MTMR9: variants seen among roughly 807,000 people sequenced by gnomAD.
MTMR9 encodes myotubularin-related protein 9.
In MTMR9, 39 loss-of-function variants were observed where a neutral mutation model predicts 69.5. That is an observed-to-expected ratio of 0.56 (90% CI 0.43 to 0.73). The LOEUF is 0.73. Among genes scored for constraint, MTMR9 ranks in the 30% least tolerant of loss-of-function variants. The pLI is 0.00. For synonymous variants in MTMR9, 354 were observed against 240.8 expected (o/e 1.47, Z -4.35); for missense variants, 900 against 671.2 (o/e 1.34, Z -3.77).
chr8:11,286,626 A>C (rs1451296168), intron 1 of MTMR9, among the ~76,000 whole-genome samples: 4 of 139,616 alleles, frequency 2.9e-5, no homozygotes, highest in African/African-American at 1.1e-4. Context: ...AGATCGGGCC[A>C]CTGCACTCCT....
chr8:11,328,150 G>T (rs1454681287), downstream of MTMR9: 1 of 123,854 alleles, frequency 8.1e-6, no homozygotes, highest in Non-Finnish European at 1.7e-5. Context: ...AATTAAATCT[G>T]TGGGCTTATT....
downstream of MTMR9, among the ~76,000 whole-genome samples, chr8:11,330,646 C>T (rs1047788664): frequency 7.2e-5 from 11 of 152,152 alleles, no homozygotes; most frequent in African/African-American, 2.7e-4. Flanking sequence ...GGGGCATGTG[C>T]TGTGTCCACT....
downstream of MTMR9, chr8:11,331,883 G>C (rs1341896418): frequency 6.2e-7 from 1 of 1,611,938 alleles, no homozygotes; most frequent in Non-Finnish European, 8.5e-7. Context: ...TGGGGGCAGA[G>C]GGGATCCTCG....
chr8:11,286,375 C>G (rs955489600), intron 1 of MTMR9, among the ~76,000 whole-genome samples: 9 of 151,734 alleles, frequency 5.9e-5, no homozygotes, highest in South Asian at 2.1e-4. Context: ...TGTATAAAGT[C>G]TTCAGTGGGC....
At position 11,314,886 on chromosome 8, in the gene MTMR9, A is replaced by T. The variant is rs767655482; in HGVS notation, c.972-37A>T. 2.5e-6 allele frequency: 4 copies of T among 1,604,194 alleles called. No homozygotes were observed. The African/African-American group carries it at 4.0e-5, about 16-fold the overall frequency. On this transcript the variant is annotated intron_variant, in intron 6 of 9. Coordinates refer to ENST00000221086, the MANE Select transcript of MTMR9 (RefSeq NM_015458.4). ...ACAGAGTTCATTGACCATGTTGGAC[A>T]TTTCCCATTTGTACTCTTCCCTGAT...
downstream of MTMR9, among the ~76,000 whole-genome samples, chr8:11,329,538 G>T: frequency 6.6e-6 from 1 of 152,380 alleles, no homozygotes; most frequent in Middle Eastern, 3.4e-3. Flanking sequence ...CTGGTATCCA[G>T]CTCCTAACCG....
chr8:11,293,303 T>TA, intron 1 of MTMR9, among the ~76,000 whole-genome samples: 1 of 152,322 alleles, frequency 6.6e-6, no homozygotes, highest in Admixed American at 6.5e-5. Flanking sequence ...AATATTTTTG[T>TA]ACAGCTGTAT....
the MTMR9 span, among the ~76,000 whole-genome samples, chr8:11,333,308 T>C: frequency 6.6e-6 from 1 of 152,244 alleles, no homozygotes; most frequent in Non-Finnish European, 1.5e-5. Context: ...CAACTAATTT[T>C]TAATTAGAAT....
chr8:11,329,961 C>G (rs533369140), downstream of MTMR9, among the ~76,000 whole-genome samples: 1 of 151,504 alleles, frequency 6.6e-6, no homozygotes, highest in Non-Finnish European at 1.5e-5. Flanking sequence ...CGTCTCTGCC[C>G]GGCCGCCCTG....
Position 11,319,858 on chromosome 8 carries a change from C to T in MTMR9, c.1486+20C>T, listed in dbSNP as rs902729479. The T allele has an allele frequency of 7.4e-6, 12 of 1,613,204 alleles. No homozygotes were observed. The highest frequency in any genetic ancestry group is 1.0e-5 in the Non-Finnish European group (12 of 1,179,496). On this transcript the variant is annotated intron_variant, in intron 9 of 9. Coordinates refer to ENST00000221086, the MANE Select transcript of MTMR9 (RefSeq NM_015458.4). ...GGGAAGGTAAACCACGCATCCTTTG[C>T]AAACTTCTTAACGGTCAGGTGTGCA...
chr8:11,309,392 A>G, intron 5 of MTMR9, 135 bp from the exon 6 acceptor site: 3 of 727,558 alleles, frequency 4.1e-6, no homozygotes, highest in Non-Finnish European at 6.6e-6. Flanking sequence ...TCCTCAAATT[A>G]TAGCAGGGTA....
At chr8:11,309,457 A>G (rs1198120126) in intron 5 of MTMR9, 70 bp from the exon 6 acceptor site, 2 of 1,374,178 alleles carry the variant, frequency 1.5e-6, no homozygotes, top group Non-Finnish European at 2.0e-6. Context: ...TGGAGGCTGA[A>G]TCTTTGGTTT....
At chr8:11,337,413 C>G in the MTMR9 span, among the ~76,000 whole-genome samples, 1 of 152,198 alleles carries the variant, frequency 6.6e-6, no homozygotes, top group African/African-American at 2.4e-5. Flanking sequence ...CCATCACTCA[C>G]CAATAATTTC....
rs1368453192 is a variant in MTMR9, at chr8:11,326,821, T to C, written c.*4033T>C. ...CCATGTCTACTAAAAATACAAAAAA[T>C]TAGCCAGGTGTGGTGGCGGGCGCCT... On this transcript the variant is annotated 3_prime_UTR_variant, in exon 10 of 10. Transcript: ENST00000221086. 6.6e-6 allele frequency: 1 copy of C among 152,144 alleles called. No homozygotes were observed. The highest frequency in any genetic ancestry group is 2.4e-5 in the African/African-American group (1 of 41,380). The allele number at this position is 152,144 out of a possible 1,614,324, so 9.4% of individuals were successfully genotyped here.
chr8:11,314,987 T>C lies in MTMR9; in HGVS notation c.1036T>C (p.Leu346=), dbSNP rs2117440628. 1 of 1,614,054 alleles carries C rather than the reference T, an allele frequency of 6.2e-7. No homozygotes were observed. Among genetic ancestry groups the C allele is most frequent in the East Asian group, 2.2e-5 (1 of 44,878 alleles). Residue 346 remains leucine, a synonymous_variant, in exon 7 of 10, where the codon TTG becomes CTG. Coordinates refer to ENST00000221086, the MANE Select transcript of MTMR9 (RefSeq NM_015458.4). ...GTDSTLQVTS[L]AQIILEPRSR... ...TGATTCCACACTCCAGGTGACCTCC[T>C]TGGCCCAGATCATCTTAGAGCCAAG...
Position 11,314,778 on chromosome 8 carries a change from C to A in MTMR9, c.972-145C>A. On this transcript the variant is annotated intron_variant, in intron 6 of 9. Transcript: ENST00000221086. ...GATTTAGATTCTGAACTCTACAAGT[C>A]AGAGCAGAATGTTGTACTCAATACA... is the stretch of plus-strand genomic sequence containing the variant. The A allele has an allele frequency of 6.2e-6, 4 of 640,378 alleles. No homozygotes were observed. In the South Asian group the frequency reaches 9.9e-5, roughly 16 times the overall value. 39.7% of individuals were successfully genotyped at this position (640,378 alleles called of 1,614,324 possible).
intron 3 of MTMR9, among the ~76,000 whole-genome samples, chr8:11,301,286 G>GT (rs1393255022): frequency 6.6e-6 from 1 of 152,132 alleles, no homozygotes; most frequent in African/African-American, 2.4e-5. Flanking sequence ...AGAGAGTATG[G>GT]TATTGCTGTA....
intron 1 of MTMR9, among the ~76,000 whole-genome samples, chr8:11,293,241 C>T (rs779290015): frequency 6.6e-6 from 1 of 151,726 alleles, no homozygotes; most frequent in Non-Finnish European, 1.5e-5. Context: ...AGTTTACCAA[C>T]AAAAATTTTT....
intron 6 of MTMR9, among the ~76,000 whole-genome samples, chr8:11,312,846 A>C (rs1370389530): frequency 6.6e-6 from 1 of 152,236 alleles, no homozygotes; most frequent in African/African-American, 2.4e-5. Context: ...TTGTTTTAGC[A>C]GGCAGAAAAA....
Sources: gnomAD v4.1 joint callset for allele counts (sites outside exome capture counted in the v4.1 genomes callset) on GRCh38, gnomAD v4.1.1 for gene constraint, MANE v1.5 for transcripts, NCBI Gene and HGNC (gene_info 2026-07-23, HGNC 2026-07-21) for gene names.